Variants in KCNC2 observed in about 807,000 individuals in gnomAD.
The protein encoded by KCNC2 is potassium voltage-gated channel subfamily C member 2.
A neutral mutation model predicts 44.5 loss-of-function variants in KCNC2; 21 were observed. The observed-to-expected ratio is 0.47, with a 90% CI of 0.33 to 0.68. KCNC2 has a LOEUF of 0.68. Among genes scored for constraint, KCNC2 ranks in the 30% least tolerant of loss-of-function variants. KCNC2 has a pLI of 0.01. For missense variants in KCNC2, 589 were observed against 826.2 expected, an observed-to-expected ratio of 0.71 and a Z score of 3.52; for synonymous variants, 391 against 339.1, an observed-to-expected ratio of 1.15 and a Z score of -1.68.
rs568572089 is a variant in KCNC2, at chr12:75,156,764, G to T, written c.687+50533C>A. 7.2e-5 allele frequency among the ~76,000 whole-genome samples: 11 copies of T among 151,860 alleles called. No individual in the cohort carries two copies. The South Asian group carries it at 1.7e-3, about 23-fold the overall frequency. On this transcript the variant is annotated intron_variant, in intron 2 of 4. Transcript: ENST00000549446. ...TAACTCTAACTCCCTATTTAAGTTTGCAGCCTACCATTTCTATAATATGTT... is the reference window on the plus strand; with the variant it reads ...TAACTCTAACTCCCTATTTAAGTTTTCAGCCTACCATTTCTATAATATGTT...
chr12:75,171,301 C>T (rs1169578282), intron 2 of KCNC2, among the ~76,000 whole-genome samples: 1 of 151,744 alleles, frequency 6.6e-6, no homozygotes, highest in Non-Finnish European at 1.5e-5. Context: ...CAGCCCTCAA[C>T]CATGCTGAAG....
At chr12:75,051,957 G>C (rs752983138) in intron 2 of KCNC2, among the ~76,000 whole-genome samples, 3 of 151,996 alleles carry the variant, frequency 2.0e-5, no homozygotes, top group African/African-American at 7.2e-5. Context: ...CCCAGTAAAG[G>C]AGCAATTTAA....
At chr12:75,146,900 T>A (rs533220060) in intron 2 of KCNC2, among the ~76,000 whole-genome samples, 4 of 152,258 alleles carry the variant, frequency 2.6e-5, no homozygotes, top group South Asian at 4.1e-4. Context: ...TTTGAACAAT[T>A]GTGCTGAGGT....
At chr12:75,067,527 T>G (rs1054088465) in intron 2 of KCNC2, among the ~76,000 whole-genome samples, 1 of 152,170 alleles carries the variant, frequency 6.6e-6, no homozygotes, top group African/African-American at 2.4e-5. Context: ...TGGGGGAATA[T>G]GGAAAGGCTT....
intron 2 of KCNC2, among the ~76,000 whole-genome samples, chr12:75,187,986 T>A (rs2029869545): frequency 6.6e-6 from 1 of 152,172 alleles, no homozygotes; most frequent in Non-Finnish European, 1.5e-5. Context: ...ACTATCAACA[T>A]GCAAACAATA....
chr12:75,179,704 G>GATATAAAACTAGTTT (rs1565668643), intron 2 of KCNC2, among the ~76,000 whole-genome samples: 4 of 79,362 alleles, frequency 5.0e-5, no homozygotes, highest in South Asian at 4.0e-4. Flanking sequence ...AAAACTACTT[G>GATATAAAACTAGTTT]TATATCTTTT....
At chr12:75,114,530 G>T (rs546183542) in intron 2 of KCNC2, among the ~76,000 whole-genome samples, 81 of 152,252 alleles carry the variant, frequency 5.3e-4, no homozygotes, top group Non-Finnish European at 9.6e-4. Flanking sequence ...ATTCTGTAAT[G>T]TTCTGCTGCT....
rs372144924 is a variant in KCNC2, at chr12:75,197,977, A to C, written c.687+9320T>G. On this transcript the variant is annotated intron_variant, in intron 2 of 4. Transcript: ENST00000549446. ...ATCAGATTTTTTAAAACACTCACTA[A>C]ATTAAAAAAATCTTGCAACTGATAG... Among the ~76,000 whole-genome samples, 198 of 152,084 alleles carry C rather than the reference A, an allele frequency of 1.3e-3. 10 individuals are homozygous for C. In the South Asian group the frequency reaches 0.039, roughly 30 times the overall value.
At chr12:75,142,386 T>C (rs1375150264) in intron 2 of KCNC2, among the ~76,000 whole-genome samples, 2 of 152,138 alleles carry the variant, frequency 1.3e-5, no homozygotes, top group African/African-American at 4.8e-5. Context: ...AATAAAATAA[T>C]AATAAAAACA....
intron 2 of KCNC2, among the ~76,000 whole-genome samples, chr12:75,144,928 C>T (rs1889909195): frequency 6.6e-6 from 1 of 151,430 alleles, no homozygotes; most frequent in Admixed American, 6.6e-5. Context: ...ATTAAACTTA[C>T]AGTCAAGTGG....
At chr12:75,165,701 A>C (rs12307500) in intron 2 of KCNC2, among the ~76,000 whole-genome samples, 3,793 of 151,614 alleles carry the variant, frequency 0.025, 175 homozygotes, top group African/African-American at 0.085. Flanking sequence ...GAGTACTTGA[A>C]ATTTCTAATT....
chr12:75,188,061 C>A (rs930119784), intron 2 of KCNC2, among the ~76,000 whole-genome samples: 3 of 152,118 alleles, frequency 2.0e-5, no homozygotes, highest in South Asian at 4.1e-4. Context: ...GGTCCAATAA[C>A]GTTTTGATGA....
At chr12:75,086,660 CAAAAAAAA>C (rs751242858) in intron 2 of KCNC2, among the ~76,000 whole-genome samples, 9,205 of 116,798 alleles carry the variant, frequency 0.079, 447 homozygotes, top group Non-Finnish European at 0.11. Context: ...GTTCATTTGG[CAAAAAAAA>C]AAAAAAAAAA....
intron 2 of KCNC2, among the ~76,000 whole-genome samples, chr12:75,068,688 C>G (rs1883082792): frequency 6.6e-6 from 1 of 152,056 alleles, no homozygotes; most frequent in African/African-American, 2.4e-5. Context: ...TTACAATTAA[C>G]AGTTGCAAAT....
At chr12:75,185,255 G>A (rs966115215) in intron 2 of KCNC2, among the ~76,000 whole-genome samples, 1 of 152,132 alleles carries the variant, frequency 6.6e-6, no homozygotes, top group Admixed American at 6.5e-5. Context: ...AAGGTTATGT[G>A]ATTGATAAGT....
At chr12:75,124,318 T>C (rs1888249754) in intron 2 of KCNC2, among the ~76,000 whole-genome samples, 1 of 152,206 alleles carries the variant, frequency 6.6e-6, no homozygotes, top group Non-Finnish European at 1.5e-5. Context: ...GAAAATTTAC[T>C]ACCCAGCAGC....
chr12:75,065,905 G>A (rs1053570607), intron 2 of KCNC2, among the ~76,000 whole-genome samples: 27 of 151,796 alleles, frequency 1.8e-4, no homozygotes, highest in African/African-American at 6.0e-4. Flanking sequence ...AGTATGATCC[G>A]GCTTCCCTTG....
chr12:75,041,998 C>G lies in KCNC2; in HGVS notation c.*1107G>C, dbSNP rs1321823384. 9.4e-7 allele frequency: 1 copy of G among 1,069,328 alleles called. No homozygotes were observed. Among genetic ancestry groups the G allele is most frequent in the Non-Finnish European group, 1.1e-6 (1 of 885,182 alleles). The allele number at this position is 1,069,328 out of a possible 1,614,324, so 66.2% of individuals were successfully genotyped here. A position where few individuals can be genotyped will look rare whatever the true frequency, so the allele number is the denominator to read the frequency against. ...CAAGAACAACATACAGGACAAAGCA[C>G]CTGATTAAACACTGCCTGAAAATCT... On this transcript the variant is annotated 3_prime_UTR_variant, in exon 5 of 5. Transcript: ENST00000549446.
intron 2 of KCNC2, among the ~76,000 whole-genome samples, chr12:75,130,376 G>A (rs540668791): frequency 6.6e-6 from 1 of 152,088 alleles, no homozygotes; most frequent in Non-Finnish European, 1.5e-5. Flanking sequence ...CAGTCCATAA[G>A]CTTTTTTGAG....
Sources: allele counts gnomAD v4.1 joint callset (sites outside exome capture counted in the v4.1 genomes callset), GRCh38; gene constraint gnomAD v4.1.1; transcripts MANE v1.5; gene names NCBI Gene and HGNC (gene_info 2026-07-23, HGNC 2026-07-21).